Variants in CSNK1G3 observed in about 807,000 individuals in gnomAD.
CSNK1G3 encodes casein kinase 1 gamma 3.
In CSNK1G3, 23 loss-of-function variants were observed where a neutral mutation model predicts 64.3. That is an observed-to-expected ratio of 0.36 (90% CI 0.26 to 0.51). CSNK1G3 has a LOEUF of 0.51. Ranked by LOEUF, CSNK1G3 falls within the 20% of genes least tolerant of loss-of-function variation. The probability of loss-of-function intolerance (pLI) is 0.96; values close to 1 mark genes in which losing one functional copy is unlikely to be tolerated. For missense variants in CSNK1G3, 357 were observed against 510.5 expected, an observed-to-expected ratio of 0.70 and a Z score of 2.90; for synonymous variants, 158 against 162.2, an observed-to-expected ratio of 0.97 and a Z score of 0.20.
At chr5:123,555,298 A>G (rs762099625) in intron 3 of CSNK1G3, among the ~76,000 whole-genome samples, 8 of 152,220 alleles carry the variant, frequency 5.3e-5, no homozygotes, top group Non-Finnish European at 1.0e-4. Context: ...TATCGGAAGG[A>G]CAGAAAACTT....
chr5:123,582,720 A>T (rs17150494), intron 6 of CSNK1G3, among the ~76,000 whole-genome samples: 34,548 of 152,080 alleles, frequency 0.23, 4,198 homozygotes, highest in African/African-American at 0.29. Context: ...TAAGTGCTTT[A>T]AAAAATGTGA....
intron 1 of CSNK1G3, among the ~76,000 whole-genome samples, chr5:123,540,525 A>G (rs971613263): frequency 6.6e-6 from 1 of 151,584 alleles, no homozygotes; most frequent in Non-Finnish European, 1.5e-5. Context: ...ATTTTTTTCT[A>G]ATTTCTCTTG....
chr5:123,529,064 G>C (rs1422015595), intron 1 of CSNK1G3, among the ~76,000 whole-genome samples: 1 of 152,188 alleles, frequency 6.6e-6, no homozygotes, highest in African/African-American at 2.4e-5. Context: ...GGGCTGATGT[G>C]CTGCTGCCTA....
chr5:123,554,310 T>G (rs1476422703), intron 3 of CSNK1G3, among the ~76,000 whole-genome samples: 11 of 152,230 alleles, frequency 7.2e-5, no homozygotes, highest in African/African-American at 2.4e-4. Flanking sequence ...AAAACGTGAT[T>G]AGGTTATCTC....
At chr5:123,590,700 G>C (rs1421209731) in intron 9 of CSNK1G3, 142 bp downstream of exon 9, 1 of 486,878 alleles carries the variant, frequency 2.1e-6, no homozygotes, top group Non-Finnish European at 3.3e-6. Flanking sequence ...ATTTCTGCAG[G>C]TAGTGCCGTA....
exon 2 of CSNK1G3, chr5:123,545,768 A>T (rs572469054): frequency 6.2e-7 from 1 of 1,613,768 alleles, no homozygotes. Context: ...CATCGTCTGG[A>T]GTTTTAATGG....
chr5:123,575,514 TC>T (rs1788994370), intron 5 of CSNK1G3, among the ~76,000 whole-genome samples: 1 of 152,214 alleles, frequency 6.6e-6, no homozygotes, highest in African/African-American at 2.4e-5. Context: ...TCAAATACTC[TC>T]GTTTAGCAGT....
intron 4 of CSNK1G3, among the ~76,000 whole-genome samples, chr5:123,566,357 A>G (rs1056367960): frequency 2.0e-5 from 3 of 152,230 alleles, no homozygotes; most frequent in Non-Finnish European, 1.5e-5. Context: ...ATTGGAAATT[A>G]TCAGATGTAA....
At chr5:123,573,609 A>G (rs1581209108) in intron 5 of CSNK1G3, 68 bp downstream of exon 5, 6 of 1,370,422 alleles carry the variant, frequency 4.4e-6, no homozygotes, top group Non-Finnish European at 6.0e-6. Flanking sequence ...ATTCATATTA[A>G]AAGTTTAAAG....
intron 3 of CSNK1G3, among the ~76,000 whole-genome samples, chr5:123,554,495 G>C (rs999131217): frequency 6.6e-5 from 10 of 152,158 alleles, no homozygotes; most frequent in Non-Finnish European, 1.3e-4. Flanking sequence ...AAAATTTCAA[G>C]GTCCCCTCAT....
At chr5:123,514,973 C>G (rs1173112603) in intron 1 of CSNK1G3, among the ~76,000 whole-genome samples, 1 of 151,942 alleles carries the variant, frequency 6.6e-6, no homozygotes, top group Non-Finnish European at 1.5e-5. Flanking sequence ...TTTAAGGAAA[C>G]AAGTTATAAT....
chr5:123,581,236 C>T (rs1156529501), intron 6 of CSNK1G3, among the ~76,000 whole-genome samples: 2 of 150,666 alleles, frequency 1.3e-5, no homozygotes, highest in Non-Finnish European at 3.0e-5. Flanking sequence ...TATATGATTA[C>T]TATTATATAG....
At chr5:123,512,836 G>A (rs962080791) in intron 1 of CSNK1G3, among the ~76,000 whole-genome samples, 10 of 152,064 alleles carry the variant, frequency 6.6e-5, no homozygotes, top group Non-Finnish European at 1.5e-4. Flanking sequence ...GCGGGTGGCG[G>A]GTCGGGCTGG....
chr5:123,612,407 A>C (rs907735363), intron 12 of CSNK1G3, among the ~76,000 whole-genome samples: 3 of 151,636 alleles, frequency 2.0e-5, no homozygotes, highest in Admixed American at 6.6e-5. Flanking sequence ...TTTATTTCAC[A>C]GAAGTATATA....
At chr5:123,562,777 G>T (rs1052806338) in intron 4 of CSNK1G3, among the ~76,000 whole-genome samples, 1 of 151,882 alleles carries the variant, frequency 6.6e-6, no homozygotes, top group Non-Finnish European at 1.5e-5. Context: ...AATGGAAGTG[G>T]TAACCAAGGA....
chr5:123,567,466 C>T (rs896819688), intron 4 of CSNK1G3, among the ~76,000 whole-genome samples: 3 of 151,962 alleles, frequency 2.0e-5, no homozygotes, highest in Admixed American at 6.6e-5. Context: ...ATTAGCTGGG[C>T]GTGGTGGCAG....
At chr5:123,512,693 CG>C (rs1776411300) in intron 1 of CSNK1G3, 123 bp downstream of exon 1, 1 of 143,832 alleles carries the variant, frequency 7.0e-6, no homozygotes, top group Non-Finnish European at 1.5e-5. Flanking sequence ...TGGGGTGCGG[CG>C]GGGGCGGCGC....
At chr5:123,523,147 T>TACC (rs1778432397) in intron 1 of CSNK1G3, among the ~76,000 whole-genome samples, 1 of 151,946 alleles carries the variant, frequency 6.6e-6, no homozygotes. Flanking sequence ...ACTGCACTTC[T>TACC]GCTTTCTTCT....
At chr5:123,539,694 A>T (rs962547268) in intron 1 of CSNK1G3, among the ~76,000 whole-genome samples, 1 of 152,178 alleles carries the variant, frequency 6.6e-6, no homozygotes, top group African/African-American at 2.4e-5. Flanking sequence ...CTGATCTCAC[A>T]AAGTAAATTG....
Sources: gnomAD v4.1 joint callset for allele counts (sites outside exome capture counted in the v4.1 genomes callset) on GRCh38, gnomAD v4.1.1 for gene constraint, MANE v1.5 for transcripts, NCBI Gene and HGNC (gene_info 2026-07-23, HGNC 2026-07-21) for gene names.